The following NEDD9 variants were observed in gnomAD, a reference collection of about 807,000 sequenced individuals.
NEDD9 encodes the protein enhancer of filamentation 1.
NEDD9 carries 26 observed loss-of-function variants against 76.6 expected under a neutral mutation model. The observed-to-expected ratio is 0.34, with a 90% confidence interval of 0.25 to 0.47. The LOEUF (loss-of-function observed/expected upper bound fraction) is 0.47, where lower values mean the gene tolerates loss of function less well. Ranked by LOEUF, NEDD9 falls within the 20% of genes least tolerant of loss-of-function variation. The probability of loss-of-function intolerance (pLI) is 1.00; values close to 1 mark genes in which losing one functional copy is unlikely to be tolerated. For synonymous variants in NEDD9, 392 were observed against 414.2 expected (o/e 0.95, Z 0.65); for missense variants, 937 against 1,058.5 (o/e 0.89, Z 1.59).
intron 2 of NEDD9, among the ~76,000 whole-genome samples, chr6:11,204,344 A>T (rs570573205): frequency 6.6e-6 from 1 of 152,348 alleles, no homozygotes; most frequent in East Asian, 1.9e-4. Context: ...CCACAACTTG[A>T]AAGCTGGGTA....
At chr6:11,327,969 AG>A (rs1214178386) in intron 2 of NEDD9, among the ~76,000 whole-genome samples, 1 of 152,224 alleles carries the variant, frequency 6.6e-6, no homozygotes, top group Non-Finnish European at 1.5e-5. Flanking sequence ...AGCTCACCCT[AG>A]GGGGAAAATG....
chr6:11,354,698 C>G (rs542868647), intron 1 of NEDD9, among the ~76,000 whole-genome samples: 1 of 152,162 alleles, frequency 6.6e-6, no homozygotes, highest in African/African-American at 2.4e-5. Flanking sequence ...TTGCATTTCT[C>G]TCTTCTTAGA....
intron 3 of NEDD9, among the ~76,000 whole-genome samples, chr6:11,193,155 T>C (rs185082899): frequency 2.9e-3 from 432 of 147,530 alleles, no homozygotes; most frequent in Non-Finnish European, 5.3e-3. Context: ...ATACAAAAAT[T>C]AGTCAGGTAT....
chr6:11,265,036 G>A (rs1473939907), intron 3 of NEDD9, among the ~76,000 whole-genome samples: 1 of 152,162 alleles, frequency 6.6e-6, no homozygotes, highest in Non-Finnish European at 1.5e-5. Flanking sequence ...AAATTATAGG[G>A]ACCTTTTAAG....
intron 2 of NEDD9, among the ~76,000 whole-genome samples, chr6:11,207,232 T>C (rs1426426710): frequency 6.6e-6 from 1 of 152,208 alleles, no homozygotes; most frequent in African/African-American, 2.4e-5. Flanking sequence ...TGCTAATATA[T>C]AGCACTTAGT....
At chr6:11,265,429 T>C (rs779463642) in intron 3 of NEDD9, among the ~76,000 whole-genome samples, 2 of 152,374 alleles carry the variant, frequency 1.3e-5, no homozygotes, top group East Asian at 1.9e-4. Flanking sequence ...TTCTGGACTT[T>C]AACTTATTTT....
intron 3 of NEDD9, among the ~76,000 whole-genome samples, chr6:11,284,430 G>T (rs1010590196): frequency 6.6e-6 from 1 of 151,044 alleles, no homozygotes; most frequent in Admixed American, 6.6e-5. Flanking sequence ...GCTGGGCATG[G>T]TGGTGGGCGC....
chr6:11,327,194 T>A (rs1313719404), intron 2 of NEDD9, among the ~76,000 whole-genome samples: 1 of 152,224 alleles, frequency 6.6e-6, no homozygotes, highest in Admixed American at 6.5e-5. Context: ...CCTCAACTTT[T>A]GAAGAAAGAG....
At chr6:11,246,445 G>A (rs1034158145) in intron 3 of NEDD9, among the ~76,000 whole-genome samples, 7 of 152,110 alleles carry the variant, frequency 4.6e-5, no homozygotes, top group African/African-American at 1.4e-4. Context: ...CCCAGGCCCC[G>A]GGCCCCACCA....
intron 2 of NEDD9, chr6:11,200,670 A>G (rs1758420654): frequency 8.1e-7 from 1 of 1,233,846 alleles, no homozygotes; most frequent in Non-Finnish European, 1.0e-6. Flanking sequence ...TTAGGAATGT[A>G]TAGTGCTCAA....
At chr6:11,284,592 A>T (rs1292500666) in intron 3 of NEDD9, among the ~76,000 whole-genome samples, 1 of 151,220 alleles carries the variant, frequency 6.6e-6, no homozygotes, top group Non-Finnish European at 1.5e-5. Flanking sequence ...AAAAATAAAG[A>T]ACAAACAGAC....
chr6:11,354,842 A>C (rs1762535820), intron 1 of NEDD9, among the ~76,000 whole-genome samples: 1 of 152,098 alleles, frequency 6.6e-6, no homozygotes, highest in African/African-American at 2.4e-5. Flanking sequence ...AGGGACTTTT[A>C]CAAAAGCTAC....
At chr6:11,317,203 C>T (rs946944457) in intron 2 of NEDD9, among the ~76,000 whole-genome samples, 1 of 152,042 alleles carries the variant, frequency 6.6e-6, no homozygotes, top group Non-Finnish European at 1.5e-5. Flanking sequence ...GAGGCCGAGG[C>T]GGGCAGATCA....
chr6:11,318,414 T>C (rs1761642747), intron 2 of NEDD9, among the ~76,000 whole-genome samples: 2 of 152,132 alleles, frequency 1.3e-5, no homozygotes, highest in South Asian at 4.1e-4. Flanking sequence ...ACAGCCTCTG[T>C]GCTTTGCAAG....
At position 11,185,598 on chromosome 6, in the gene NEDD9, G is replaced by C. The variant is rs1189689126; in HGVS notation, c.2069C>G (p.Ser690Cys). 1 of 1,614,256 alleles carries C rather than the reference G, an allele frequency of 6.2e-7. No individual in the cohort carries two copies. Among genetic ancestry groups the C allele is most frequent in the Admixed American group, 1.7e-5 (1 of 60,030 alleles). ...VENDISKWKP[S>C]QSLPTTNSGV... is the part of the protein sequence containing the mutation. ...ACTGTTTGTGGTGGGTAGGCTCTGA[G>C]AGGGCTTCCACTTCGAGATGTCATT... Residue 690 changes from serine (S) to cysteine (C), a missense_variant, in exon 7 of 7, where the codon TCT becomes TGT. Ser to Cys is a moderately radical substitution (Grantham distance 112). Transcript: ENST00000379446.
intron 1 of NEDD9, among the ~76,000 whole-genome samples, chr6:11,366,296 A>AAGG (rs1168233790): frequency 4.0e-4 from 48 of 120,806 alleles, no homozygotes; most frequent in Middle Eastern, 4.0e-3. Flanking sequence ...GGAAGGAAGG[A>AAGG]AAGAAAGAAA....
intron 3 of NEDD9, among the ~76,000 whole-genome samples, chr6:11,245,470 C>CTGCTGAGA (rs1364222798): frequency 6.6e-6 from 1 of 152,176 alleles, no homozygotes; most frequent in Non-Finnish European, 1.5e-5. Context: ...TTGTTAATCC[C>CTGCTGAGA]TGCTGAGATT....
At chr6:11,322,596 T>C (rs1023941257) in intron 2 of NEDD9, among the ~76,000 whole-genome samples, 1 of 152,178 alleles carries the variant, frequency 6.6e-6, no homozygotes, top group Admixed American at 6.5e-5. Flanking sequence ...GCTTTCAATC[T>C]CTCTCAACCC....
Position 11,185,014 on chromosome 6 carries a change from C to T in NEDD9, c.*148G>A. On this transcript the variant is annotated 3_prime_UTR_variant, in exon 7 of 7. Transcript: ENST00000379446. ...TTTCCCTCTCCAGCTCCCTGAATTT[C>T]TGAAAGTTGACTGACCCATAAAATG... 2 of 1,033,224 alleles carry T rather than the reference C, an allele frequency of 1.9e-6. No individual in the cohort carries two copies. The highest frequency in any genetic ancestry group is 2.7e-6 in the Non-Finnish European group (2 of 744,476). 64.0% of individuals were successfully genotyped at this position (1,033,224 alleles called of 1,614,324 possible).
Sources: allele counts gnomAD v4.1 joint callset (sites outside exome capture counted in the v4.1 genomes callset), GRCh38; gene constraint gnomAD v4.1.1; transcripts MANE v1.5; gene names NCBI Gene and HGNC (gene_info 2026-07-23, HGNC 2026-07-21).